MAML2: variants seen among roughly 807,000 people sequenced by gnomAD.
MAML2 encodes the protein mastermind like transcriptional coactivator 2.
In MAML2, 22 loss-of-function variants were observed where a neutral mutation model predicts 96.1. That is an observed-to-expected ratio of 0.23 (90% CI 0.16 to 0.33). The LOEUF (loss-of-function observed/expected upper bound fraction) is 0.33. Ranked by LOEUF, MAML2 falls within the 10% of genes least tolerant of loss-of-function variation. The pLI is 1.00. For synonymous variants in MAML2, 561 were observed against 521.3 expected, an observed-to-expected ratio of 1.08 and a Z score of -1.04; for missense variants, 1,367 against 1,392.4, an observed-to-expected ratio of 0.98 and a Z score of 0.29.
At chr11:96,010,385 C>T (rs1858247929) in intron 2 of MAML2, among the ~76,000 whole-genome samples, 1 of 152,090 alleles carries the variant, frequency 6.6e-6, no homozygotes, top group Non-Finnish European at 1.5e-5. Context: ...TTGGCCATTC[C>T]CCAGTCCCTT....
Position 96,093,281 on chromosome 11 carries a change from T to C in MAML2, c.750A>G (p.Thr250=). The C allele has an allele frequency of 6.2e-7, 1 of 1,614,010 alleles. No homozygotes were observed. Among genetic ancestry groups the C allele is most frequent in the South Asian group, 1.1e-5 (1 of 91,084 alleles). The change falls in exon 2 of 5, where the codon ACA becomes ACG. Residue 250 remains threonine, a synonymous_variant. Transcript: ENST00000524717. ...LRKTNTLPSH[T]HSPGNGLFNM... The stretch of plus-strand genomic sequence containing the variant: ...TAAACAGGCCATTGCCAGGAGAATG[T>C]GTATGGGATGGCAGAGTGTTAGTCT...
chr11:96,046,446 C>T (rs1265958695), intron 2 of MAML2, among the ~76,000 whole-genome samples: 2 of 152,088 alleles, frequency 1.3e-5, no homozygotes, highest in African/African-American at 4.8e-5. Flanking sequence ...TAGACTACCT[C>T]TGTCAGACTA....
chr11:96,292,314 A>T (rs1224929796), intron 1 of MAML2, among the ~76,000 whole-genome samples: 1 of 152,180 alleles, frequency 6.6e-6, no homozygotes, highest in East Asian at 1.9e-4. Context: ...GAATATGCAG[A>T]CTCCATAAAA....
chr11:96,050,442 G>A (rs1858973263), intron 2 of MAML2, among the ~76,000 whole-genome samples: 1 of 152,208 alleles, frequency 6.6e-6, no homozygotes. Context: ...AGGGACATTG[G>A]ATGGGTTTTT....
chr11:96,148,034 A>G (rs1037703179), intron 1 of MAML2, among the ~76,000 whole-genome samples: 1 of 152,192 alleles, frequency 6.6e-6, no homozygotes, highest in Non-Finnish European at 1.5e-5. Flanking sequence ...TCTCTGTCCA[A>G]TGAGAAGCAT....
At chr11:96,132,358 T>C (rs1412195151) in intron 1 of MAML2, among the ~76,000 whole-genome samples, 1 of 152,180 alleles carries the variant, frequency 6.6e-6, no homozygotes, top group Non-Finnish European at 1.5e-5. Context: ...AGACAATAGT[T>C]TGCCAGAGTG....
chr11:96,032,057 A>G (rs1025846858), intron 2 of MAML2, among the ~76,000 whole-genome samples: 1 of 152,150 alleles, frequency 6.6e-6, no homozygotes, highest in South Asian at 2.1e-4. Flanking sequence ...AGATGGGGAG[A>G]TGCTATCTCT....
intron 1 of MAML2, among the ~76,000 whole-genome samples, chr11:96,099,741 A>G (rs1044146604): frequency 2.0e-5 from 3 of 152,136 alleles, no homozygotes; most frequent in African/African-American, 4.8e-5. Context: ...AAGCAAATTA[A>G]TGGTTCCACC....
At chr11:96,176,284 G>T (rs1861387688) in intron 1 of MAML2, among the ~76,000 whole-genome samples, 6 of 152,144 alleles carry the variant, frequency 3.9e-5, no homozygotes, top group Admixed American at 3.9e-4. Flanking sequence ...CATCTTTATG[G>T]AAAGATAGAT....
chr11:96,236,432 G>GT (rs56746573), intron 1 of MAML2, among the ~76,000 whole-genome samples: 152,365 of 152,366 alleles, frequency 1, 76,182 homozygotes, highest in Non-Finnish European at 1. Context: ...CCGAAAGTCT[G>GT]TATCTTTCAA....
chr11:96,275,654 C>A (rs1862979570), intron 1 of MAML2, among the ~76,000 whole-genome samples: 1 of 152,196 alleles, frequency 6.6e-6, no homozygotes, highest in South Asian at 2.1e-4. Context: ...GGTAAAACTG[C>A]CTGAAGCAGG....
intron 1 of MAML2, among the ~76,000 whole-genome samples, chr11:96,296,686 G>C (rs115997123): frequency 3.0e-3 from 454 of 152,108 alleles, no homozygotes; most frequent in African/African-American, 0.01. Flanking sequence ...ATAAGAAGCA[G>C]AGAGAAAAAT....
intron 1 of MAML2, among the ~76,000 whole-genome samples, chr11:96,179,029 C>T (rs373880479): frequency 4.6e-5 from 7 of 152,146 alleles, no homozygotes; most frequent in African/African-American, 1.4e-4. Context: ...GACGGCATCC[C>T]GAGAAAGGGT....
At chr11:96,241,134 T>C (rs1862433356) in intron 1 of MAML2, among the ~76,000 whole-genome samples, 1 of 152,252 alleles carries the variant, frequency 6.6e-6, no homozygotes, top group Non-Finnish European at 1.5e-5. Flanking sequence ...GTTTTTATTA[T>C]AGTATATATT....
chr11:96,011,446 T>C (rs955580099), intron 2 of MAML2, among the ~76,000 whole-genome samples: 2 of 152,174 alleles, frequency 1.3e-5, no homozygotes, highest in African/African-American at 4.8e-5. Context: ...GAGGCCATTC[T>C]TGTAAGTGAA....
intron 1 of MAML2, among the ~76,000 whole-genome samples, chr11:96,334,723 T>C (rs918033782): frequency 6.6e-6 from 1 of 152,256 alleles, no homozygotes; most frequent in African/African-American, 2.4e-5. Context: ...ATGAATATTT[T>C]CCCAAACTCT....
intron 2 of MAML2, among the ~76,000 whole-genome samples, chr11:96,015,060 AG>A (rs751263004): frequency 1.3e-5 from 2 of 152,208 alleles, no homozygotes; most frequent in Non-Finnish European, 2.9e-5. Context: ...TGACATTTGG[AG>A]AAGCTAAATA....
chr11:96,007,104 G>A (rs764870284), intron 2 of MAML2, among the ~76,000 whole-genome samples: 11 of 151,694 alleles, frequency 7.3e-5, no homozygotes, highest in Non-Finnish European at 1.3e-4. Context: ...TTGAGTTCAA[G>A]TGATTCCCCT....
chr11:96,275,047 C>G (rs1440266210), intron 1 of MAML2, among the ~76,000 whole-genome samples: 1 of 151,930 alleles, frequency 6.6e-6, no homozygotes, highest in Non-Finnish European at 1.5e-5. Context: ...ATTTTAATGG[C>G]TGCATAATAT....
Sources: allele counts gnomAD v4.1 joint callset (sites outside exome capture counted in the v4.1 genomes callset), GRCh38; gene constraint gnomAD v4.1.1; transcripts MANE v1.5; gene names NCBI Gene and HGNC (gene_info 2026-07-23, HGNC 2026-07-21).